FSTL5: variants seen among roughly 807,000 people sequenced by gnomAD.
The protein encoded by FSTL5 is follistatin like 5.
Under a neutral mutation model 89.1 loss-of-function variants are expected in FSTL5, and 62 were observed. The ratio of observed to expected loss-of-function variants is 0.70; its 90% CI spans 0.57 to 0.86. The LOEUF (loss-of-function observed/expected upper bound fraction) is 0.86. Among genes scored for constraint, FSTL5 ranks in the 40% least tolerant of loss-of-function variants. The pLI is 0.00. For synonymous variants in FSTL5, 383 were observed against 346.2 expected (o/e 1.11, Z -1.18); for missense variants, 1,057 against 1,001.6 (o/e 1.06, Z -0.75).
chr4:161,439,885 T>C (rs1213789390), intron 15 of FSTL5, among the ~76,000 whole-genome samples: 1 of 152,156 alleles, frequency 6.6e-6, no homozygotes, highest in Admixed American at 6.5e-5. Flanking sequence ...TTATTTCAGG[T>C]AGTTCCCCAA....
chr4:161,947,142 A>G (rs62331243), intron 3 of FSTL5, among the ~76,000 whole-genome samples: 12 of 148,464 alleles, frequency 8.1e-5, no homozygotes, highest in South Asian at 2.1e-4. Context: ...GTGTGTGTGT[A>G]TGTGTGTGTG....
intron 6 of FSTL5, among the ~76,000 whole-genome samples, chr4:161,705,832 G>A (rs1032540578): frequency 1.1e-4 from 16 of 148,800 alleles, no homozygotes; most frequent in African/African-American, 3.5e-4. Flanking sequence ...GGTAAACTTG[G>A]GAGGATCACT....
At chr4:161,460,036 C>T (rs1484295561) in intron 13 of FSTL5, among the ~76,000 whole-genome samples, 1 of 151,578 alleles carries the variant, frequency 6.6e-6, no homozygotes, top group Admixed American at 6.6e-5. Context: ...TTTCACTCAC[C>T]TTAATTTTAT....
intron 13 of FSTL5, among the ~76,000 whole-genome samples, chr4:161,463,056 T>C (rs1733634828): frequency 6.6e-6 from 1 of 152,126 alleles, no homozygotes; most frequent in Non-Finnish European, 1.5e-5. Context: ...GGAAAGAGAA[T>C]ATTTTTAAAA....
chr4:161,835,683 GC>G (rs1184759690), intron 4 of FSTL5, among the ~76,000 whole-genome samples: 1 of 152,072 alleles, frequency 6.6e-6, no homozygotes, highest in East Asian at 1.9e-4. Context: ...CATTTATGCA[GC>G]CAAAAAACAC....
At chr4:161,855,003 G>GTTTTTTT (rs1221548568) in intron 4 of FSTL5, among the ~76,000 whole-genome samples, 1 of 16,132 alleles carries the variant, frequency 6.2e-5, no homozygotes, top group African/African-American at 1.4e-4. Flanking sequence ...TGGTTGAGAG[G>GTTTTTTT]TTTTTTTTTT....
intron 3 of FSTL5, among the ~76,000 whole-genome samples, chr4:161,949,625 T>C (rs1734835163): frequency 6.6e-6 from 1 of 151,372 alleles, no homozygotes; most frequent in African/African-American, 2.4e-5. Flanking sequence ...TTTCTTATTG[T>C]TCTGCAGATT....
intron 4 of FSTL5, among the ~76,000 whole-genome samples, chr4:161,883,620 A>C (rs6840558): frequency 0.93 from 140,852 of 152,180 alleles, 66,053 homozygotes; most frequent in Non-Finnish European, 1. Context: ...GGCTATGTTA[A>C]CATTTTATTT....
At chr4:161,478,596 A>T (rs1177486175) in intron 13 of FSTL5, among the ~76,000 whole-genome samples, 1 of 142,518 alleles carries the variant, frequency 7.0e-6, no homozygotes, top group South Asian at 2.1e-4. Flanking sequence ...TGTCAAAATC[A>T]CCGATTTTTT....
chr4:161,895,746 C>CA (rs553850067), intron 4 of FSTL5, among the ~76,000 whole-genome samples: 2 of 152,202 alleles, frequency 1.3e-5, no homozygotes, highest in South Asian at 2.1e-4. Context: ...CTCATCCTCA[C>CA]AAAAAACCAT....
At chr4:161,544,373 A>C (rs1314451417) in intron 8 of FSTL5, among the ~76,000 whole-genome samples, 2 of 152,032 alleles carry the variant, frequency 1.3e-5, no homozygotes, top group Non-Finnish European at 2.9e-5. Context: ...TATTGGAGGT[A>C]TCTGACACAA....
intron 3 of FSTL5, among the ~76,000 whole-genome samples, chr4:161,982,190 C>T (rs186055976): frequency 5.9e-5 from 9 of 152,236 alleles, no homozygotes; most frequent in Non-Finnish European, 1.3e-4. Context: ...ACTTGTTGAG[C>T]CCTGGTTTGT....
At chr4:161,660,383 G>A (rs921608240) in intron 6 of FSTL5, among the ~76,000 whole-genome samples, 3 of 152,094 alleles carry the variant, frequency 2.0e-5, no homozygotes, top group Non-Finnish European at 2.9e-5. Context: ...AACTTGCAGC[G>A]TGATTAGTGG....
chr4:161,601,634 G>C (rs1322459660), intron 7 of FSTL5, among the ~76,000 whole-genome samples: 5 of 152,122 alleles, frequency 3.3e-5, no homozygotes, highest in African/African-American at 9.7e-5. Flanking sequence ...AGGGACAAGA[G>C]CATAAGAAAC....
At chr4:161,721,598 A>G (rs1162295243) in intron 6 of FSTL5, among the ~76,000 whole-genome samples, 1 of 152,114 alleles carries the variant, frequency 6.6e-6, no homozygotes, top group Non-Finnish European at 1.5e-5. Flanking sequence ...AGGGGCCCAA[A>G]CCCCACAAGC....
intron 1 of FSTL5, among the ~76,000 whole-genome samples, chr4:162,128,039 C>T (rs534438827): frequency 1.6e-4 from 25 of 152,198 alleles, no homozygotes; most frequent in African/African-American, 6.0e-4. Flanking sequence ...TTGGTGGCAA[C>T]ATAAATCCAA....
rs144588333 is a variant in FSTL5, at chr4:161,467,350, T to C, written c.1609-8031A>G. Among the ~76,000 whole-genome samples, 986 of 152,214 alleles carry C rather than the reference T, an allele frequency of 6.5e-3. 12 individuals are homozygous for C. Among genetic ancestry groups the C allele is most frequent in the African/African-American group, 0.02 (846 of 41,558 alleles). ...CATACAGTAAGGAAGTAAAACATCA[T>C]TTGGATACAAAAAAGTCTAACTTTG... On this transcript the variant is annotated intron_variant, in intron 13 of 15. Coordinates refer to ENST00000306100, the MANE Select transcript of FSTL5 (RefSeq NM_020116.5).
chr4:161,481,174 A>C lies in FSTL5; in HGVS notation c.1459-5T>G. The C allele has an allele frequency of 6.3e-7, 1 of 1,589,794 alleles. No individual in the cohort carries two copies. Among genetic ancestry groups the C allele is most frequent in the Non-Finnish European group, 8.6e-7 (1 of 1,169,210 alleles). On this transcript the variant is annotated splice_polypyrimidine_tract_variant and splice_region_variant and intron_variant, in intron 12 of 15. Coordinates refer to ENST00000306100, the MANE Select transcript of FSTL5 (RefSeq NM_020116.5). ...AGCTTTGGGACAGACTTCATCCTGT[A>C]ATTTAGGAAAGAGAAAATGAAATTT...
intron 2 of FSTL5, among the ~76,000 whole-genome samples, chr4:162,100,114 A>C (rs548718012): frequency 9.8e-5 from 15 of 152,338 alleles, no homozygotes; most frequent in African/African-American, 3.4e-4. Context: ...AAAAATCTGC[A>C]TGGGGATGTT....
Sources: allele counts gnomAD v4.1 joint callset (sites outside exome capture counted in the v4.1 genomes callset), GRCh38; gene constraint gnomAD v4.1.1; transcripts MANE v1.5; gene names NCBI Gene and HGNC (gene_info 2026-07-23, HGNC 2026-07-21).